FRY: variants seen among roughly 807,000 people sequenced by gnomAD.
FRY encodes the protein protein furry homolog.
In FRY, 128 loss-of-function variants were observed where a neutral mutation model predicts 348.4. The ratio of observed to expected loss-of-function variants is 0.37; its 90% confidence interval spans 0.32 to 0.43. The LOEUF is 0.43. Among genes scored for constraint, FRY ranks in the 20% least tolerant of loss-of-function variants. The pLI is 1.00. For missense variants in FRY, 2,736 were observed against 3,695.2 expected (o/e 0.74, Z 6.73); for synonymous variants, 1,370 against 1,374.7 (o/e 1.00, Z 0.08).
chr13:32,070,293 T>G (rs1874550921), intron 1 of FRY, among the ~76,000 whole-genome samples: 1 of 152,172 alleles, frequency 6.6e-6, no homozygotes. Context: ...CGCCACACAG[T>G]CTTTCTTCCA....
rs776608908 is a variant in FRY at position 32,175,670 on chromosome 13, A to G, written c.2421+38A>G. 2.6e-6 allele frequency: 3 copies of G among 1,150,134 alleles called. No homozygotes were observed. In the Admixed American group the frequency reaches 5.1e-5, roughly 19 times the overall value. 71.2% of individuals were successfully genotyped at this position (1,150,134 alleles called of 1,614,324 possible). ...TTGATTCCAATTAATGGCTCTTAAA[A>G]GCTCTGGACCTATCTAAAATAGTCA... On this transcript the variant is annotated intron_variant, in intron 20 of 60. Transcript: ENST00000542859.
At chr13:32,240,632 G>A (rs188194824) in intron 46 of FRY, among the ~76,000 whole-genome samples, 1 of 152,270 alleles carries the variant, frequency 6.6e-6, no homozygotes, top group Admixed American at 6.5e-5. Context: ...AATGTATTCC[G>A]TTTAGCATCT....
intron 13 of FRY, 121 bp downstream of exon 13, chr13:32,148,068 T>A: frequency 2.8e-6 from 2 of 716,064 alleles, no homozygotes; most frequent in Non-Finnish European, 5.2e-6. Context: ...TAGACTTCTG[T>A]GAAAGATTTA....
At position 32,298,189 on chromosome 13, in the gene FRY, T is replaced by C. The variant is rs931380733; in HGVS notation, c.*2729T>C. On this transcript the variant is annotated 3_prime_UTR_variant, in exon 61 of 61. Coordinates refer to ENST00000542859, the MANE Select transcript of FRY (RefSeq NM_023037.3). ...CCAGAGTTAGGTCTCAAGGCTCTTCTGGTTCTAAGTCCTAACAAACAATGA... is the reference window on the plus strand; with the variant it reads ...CCAGAGTTAGGTCTCAAGGCTCTTCCGGTTCTAAGTCCTAACAAACAATGA... 1.3e-5 allele frequency: 2 copies of C among 152,220 alleles called. No individual in the cohort carries two copies. Among genetic ancestry groups the C allele is most frequent in the Non-Finnish European group, 2.9e-5 (2 of 68,042 alleles). The allele number at this position is 152,220 out of a possible 1,614,324, so 9.4% of individuals were successfully genotyped here. A position where few individuals can be genotyped will look rare whatever the true frequency, so the allele number is the denominator to read the frequency against.
At chr13:32,127,016 G>T (rs992366538) in intron 7 of FRY, among the ~76,000 whole-genome samples, 1 of 152,106 alleles carries the variant, frequency 6.6e-6, no homozygotes, top group Non-Finnish European at 1.5e-5. Flanking sequence ...TACTAGTGAT[G>T]ATGCTGTTTA....
chr13:32,211,692 G>A (rs1266688984), intron 34 of FRY, among the ~76,000 whole-genome samples: 1 of 152,038 alleles, frequency 6.6e-6, no homozygotes, highest in Non-Finnish European at 1.5e-5. Flanking sequence ...CCCCCCAAAA[G>A]TATTATCACT....
chr13:32,211,624 C>A (rs1215614328), intron 34 of FRY, among the ~76,000 whole-genome samples: 1 of 152,158 alleles, frequency 6.6e-6, no homozygotes, highest in Admixed American at 6.5e-5. Context: ...ATTTCTGGAT[C>A]CCCCTTCTTG....
At chr13:32,114,800 G>A (rs1878197510) in intron 3 of FRY, among the ~76,000 whole-genome samples, 1 of 152,054 alleles carries the variant, frequency 6.6e-6, no homozygotes, top group South Asian at 2.1e-4. Context: ...TCTCATGTTG[G>A]GATAACTTTA....
chr13:32,138,229 T>G (rs1200633070), intron 11 of FRY, among the ~76,000 whole-genome samples: 1 of 152,150 alleles, frequency 6.6e-6, no homozygotes. Flanking sequence ...GTTATCCAGC[T>G]GTTAGTTCAT....
chr13:32,061,540 T>G (rs1873943456), intron 1 of FRY, among the ~76,000 whole-genome samples: 1 of 152,182 alleles, frequency 6.6e-6, no homozygotes, highest in South Asian at 2.1e-4. Flanking sequence ...ATATTTAATA[T>G]TATAGTAGAA....
At chr13:32,075,256 C>A (rs890560225) in intron 1 of FRY, among the ~76,000 whole-genome samples, 1 of 152,114 alleles carries the variant, frequency 6.6e-6, no homozygotes, top group African/African-American at 2.4e-5. Context: ...CTTTTTCCCA[C>A]CTTTTTTACC....
chr13:32,076,694 A>G (rs1566057863), intron 1 of FRY, among the ~76,000 whole-genome samples: 1 of 152,218 alleles, frequency 6.6e-6, no homozygotes, highest in African/African-American at 2.4e-5. Flanking sequence ...AAATAAAGTC[A>G]GGGGACATTT....
intron 1 of FRY, among the ~76,000 whole-genome samples, chr13:32,047,586 G>C (rs77698967): frequency 0.01 from 1,553 of 148,772 alleles, 35 homozygotes; most frequent in African/African-American, 0.036. Context: ...TTTTTTGGGG[G>C]GGGTGCAGAG....
Position 32,034,576 on chromosome 13 carries a change from AT to A in FRY, c.70+2712del, listed in dbSNP as rs536747188. 2.3e-4 allele frequency among the ~76,000 whole-genome samples: 35 copies of A among 152,236 alleles called. No homozygotes were observed. In the South Asian group the frequency reaches 5.6e-3, roughly 24 times the overall value. On this transcript the variant is annotated intron_variant, in intron 1 of 60. Coordinates refer to ENST00000542859, the MANE Select transcript of FRY (RefSeq NM_023037.3). Reference sequence around the variant, plus strand: ...TGTCCTGTTGCTCTTCCCTGCTCTTATCCAGCCTTTCCCCAGCTGTCTAGTG... The same window carrying A: ...TGTCCTGTTGCTCTTCCCTGCTCTTACCAGCCTTTCCCCAGCTGTCTAGTG...
intron 54 of FRY, among the ~76,000 whole-genome samples, chr13:32,266,095 C>T (rs1363252374): frequency 2.0e-5 from 3 of 151,950 alleles, no homozygotes; most frequent in Admixed American, 1.3e-4. Context: ...AATAGATAAA[C>T]ACCAGAGGTT....
intron 30 of FRY, 115 bp downstream of exon 30, chr13:32,202,155 A>G: frequency 2.4e-6 from 2 of 824,066 alleles, no homozygotes; most frequent in South Asian, 2.7e-5. Flanking sequence ...TCTGCATATC[A>G]TTTGTGGCTA....
chr13:32,268,367 C>T (rs572583927), intron 55 of FRY, among the ~76,000 whole-genome samples: 2 of 151,562 alleles, frequency 1.3e-5, no homozygotes, highest in South Asian at 4.2e-4. Flanking sequence ...AGATATTGAC[C>T]GTGAAAATGG....
chr13:32,256,972 C>A (rs897561888), intron 51 of FRY, among the ~76,000 whole-genome samples: 1 of 152,190 alleles, frequency 6.6e-6, no homozygotes. Flanking sequence ...TTGTTTCATG[C>A]ACAAAATTAT....
At chr13:32,184,511 G>T in intron 24 of FRY, 89 bp from the exon 25 acceptor site, 1 of 790,474 alleles carries the variant, frequency 1.3e-6, no homozygotes. Flanking sequence ...AAAATGACTA[G>T]ATTATGCCTT....
Sources: allele counts gnomAD v4.1 joint callset (sites outside exome capture counted in the v4.1 genomes callset), GRCh38; gene constraint gnomAD v4.1.1; transcripts MANE v1.5; gene names NCBI Gene and HGNC (gene_info 2026-07-23, HGNC 2026-07-21).